Variants in SLC26A7 observed in about 807,000 individuals in gnomAD.
SLC26A7 encodes solute carrier family 26 member 7.
A neutral mutation model predicts 82.5 loss-of-function variants in SLC26A7; 59 were observed. The ratio of observed to expected loss-of-function variants is 0.72; its 90% CI spans 0.58 to 0.89. The LOEUF is 0.89. SLC26A7 is among the 40% of genes least tolerant of loss of function. The probability of loss-of-function intolerance (pLI) is 0.00; values close to 1 mark genes in which losing one functional copy is unlikely to be tolerated. For missense variants in SLC26A7, 820 were observed against 793.0 expected (o/e 1.03, Z -0.41); for synonymous variants, 271 against 274.3 (o/e 0.99, Z 0.12).
chr8:91,340,935 A>G (rs1489343235), intron 8 of SLC26A7, among the ~76,000 whole-genome samples: 15 of 152,034 alleles, frequency 9.9e-5, no homozygotes, highest in African/African-American at 3.6e-4. Context: ...ATACCAAGGG[A>G]TGTAGATTAT....
intron 2 of SLC26A7, among the ~76,000 whole-genome samples, chr8:91,271,889 C>T (rs971969128): frequency 2.6e-5 from 4 of 152,282 alleles, no homozygotes; most frequent in South Asian, 2.1e-4. Flanking sequence ...CCACAGCGCC[C>T]GGCCGAGAAA....
At chr8:91,310,859 A>C (rs1812461923) in intron 4 of SLC26A7, among the ~76,000 whole-genome samples, 1 of 152,136 alleles carries the variant, frequency 6.6e-6, no homozygotes, top group Non-Finnish European at 1.5e-5. Context: ...GTCAAAGGTC[A>C]AACAGTGCAC....
intron 15 of SLC26A7, among the ~76,000 whole-genome samples, chr8:91,388,673 TATC>T (rs1301123441): frequency 6.6e-6 from 1 of 152,124 alleles, no homozygotes; most frequent in East Asian, 1.9e-4. Context: ...AAATAGGTCA[TATC>T]ATGTAAGGAA....
At chr8:91,249,900 C>T (rs1254161218) in intron 2 of SLC26A7, 56 bp downstream of exon 2, 89 of 1,338,502 alleles carry the variant, frequency 6.6e-5, no homozygotes, top group Non-Finnish European at 8.5e-5. Flanking sequence ...CACTTTGCTT[C>T]CTTGGAATAA....
At chr8:91,389,290 G>GA (rs1467521993) in intron 15 of SLC26A7, 48 bp from the exon 16 acceptor site, 2 of 1,380,724 alleles carry the variant, frequency 1.4e-6, no homozygotes, top group Non-Finnish European at 2.1e-6. Flanking sequence ...GCCAGCAGCA[G>GA]AAGTCTCTTA....
chr8:91,385,223 T>C (rs1457975337), intron 15 of SLC26A7, among the ~76,000 whole-genome samples: 1 of 152,174 alleles, frequency 6.6e-6, no homozygotes, highest in Non-Finnish European at 1.5e-5. Flanking sequence ...TGCTCCAAGC[T>C]TACCTCATTT....
Position 91,267,749 on chromosome 8 carries a change from T to A in SLC26A7, c.193+17905T>A, listed in dbSNP as rs894611494. ...CTTTCATATTTTAAAAAATCTATTT[T>A]AAAAAAATATTTCTGTTCTGATCTT... On this transcript the variant is annotated intron_variant, in intron 2 of 18. Coordinates refer to ENST00000276609, the MANE Select transcript of SLC26A7 (RefSeq NM_052832.4). 1.5e-4 allele frequency among the ~76,000 whole-genome samples: 23 copies of A among 151,880 alleles called. No homozygotes were observed. The East Asian group carries it at 3.7e-3, about 24-fold the overall frequency.
At chr8:91,362,528 G>T (rs1814078814) in intron 12 of SLC26A7, 69 bp downstream of exon 12, 2 of 1,091,250 alleles carry the variant, frequency 1.8e-6, no homozygotes, top group Non-Finnish European at 2.7e-6. Flanking sequence ...TTGCCATATG[G>T]TACTTGCTAG....
intron 2 of SLC26A7, among the ~76,000 whole-genome samples, chr8:91,280,682 T>C (rs1308734585): frequency 6.6e-6 from 1 of 152,332 alleles, no homozygotes; most frequent in South Asian, 2.1e-4. Flanking sequence ...TCCCCTACTT[T>C]TTTTTTCTCT....
At chr8:91,210,472 T>A (rs1809888883) in intron 1 of SLC26A7, among the ~76,000 whole-genome samples, 1 of 151,926 alleles carries the variant, frequency 6.6e-6, no homozygotes, top group South Asian at 2.1e-4. Flanking sequence ...TCTGTTGACT[T>A]GCAGAGTAAG....
At chr8:91,250,286 G>A (rs562462232) in intron 2 of SLC26A7, among the ~76,000 whole-genome samples, 7 of 152,234 alleles carry the variant, frequency 4.6e-5, no homozygotes, top group East Asian at 1.9e-4. Context: ...AAGGAACAAA[G>A]CTTTCTGTAC....
At chr8:91,250,581 T>C (rs757481133) in intron 2 of SLC26A7, among the ~76,000 whole-genome samples, 3 of 152,142 alleles carry the variant, frequency 2.0e-5, no homozygotes. Flanking sequence ...TTGCAGTTCT[T>C]GGCTAATTCA....
At chr8:91,270,435 G>A (rs541760779) in intron 2 of SLC26A7, among the ~76,000 whole-genome samples, 1 of 152,192 alleles carries the variant, frequency 6.6e-6, no homozygotes, top group Non-Finnish European at 1.5e-5. Flanking sequence ...CAGAGCTGCA[G>A]TGCTTTCCAG....
intron 9 of SLC26A7, chr8:91,344,205 A>G (rs904030956): frequency 2.7e-4 from 268 of 985,128 alleles, no homozygotes; most frequent in Non-Finnish European, 3.2e-4. Context: ...CTTAAGAAGG[A>G]GGTGTAATTA....
intron 2 of SLC26A7, among the ~76,000 whole-genome samples, chr8:91,256,690 T>A (rs1039822128): frequency 1.3e-5 from 2 of 151,936 alleles, no homozygotes; most frequent in African/African-American, 4.8e-5. Context: ...GTGCAAACAC[T>A]TTTTTGCTTT....
intron 5 of SLC26A7, among the ~76,000 whole-genome samples, chr8:91,319,914 T>C (rs558249643): frequency 1.3e-5 from 2 of 152,224 alleles, no homozygotes; most frequent in Non-Finnish European, 2.9e-5. Context: ...GTCTTTCAGC[T>C]TGTTTCTCTG....
At chr8:91,333,146 A>G (rs927424472) in intron 5 of SLC26A7, among the ~76,000 whole-genome samples, 1 of 152,140 alleles carries the variant, frequency 6.6e-6, no homozygotes, top group Non-Finnish European at 1.5e-5. Flanking sequence ...ACTATCAACA[A>G]CATTCTAAGT....
chr8:91,340,658 A>G, intron 8 of SLC26A7, 107 bp downstream of exon 8: 1 of 1,404,718 alleles, frequency 7.1e-7, no homozygotes. Context: ...TCCTAACTGT[A>G]CAGCAAGAGT....
At chr8:91,250,390 G>A (rs1810625398) in intron 2 of SLC26A7, among the ~76,000 whole-genome samples, 2 of 152,052 alleles carry the variant, frequency 1.3e-5, no homozygotes, top group African/African-American at 4.8e-5. Flanking sequence ...ATTTACTTCT[G>A]TATCACATTA....
Sources: gnomAD v4.1 joint callset for allele counts (sites outside exome capture counted in the v4.1 genomes callset) on GRCh38, gnomAD v4.1.1 for gene constraint, MANE v1.5 for transcripts, NCBI Gene and HGNC (gene_info 2026-07-23, HGNC 2026-07-21) for gene names.